The following KLF15 variants were observed in gnomAD, a reference collection of about 807,000 sequenced individuals.
The protein encoded by KLF15 is Krueppel-like factor 15.
KLF15 carries 4 observed loss-of-function variants against 24.6 expected under a neutral mutation model. The observed-to-expected ratio is 0.16, with a 90% CI of 0.08 to 0.37. The LOEUF is 0.37. Among genes scored for constraint, KLF15 ranks in the 10% least tolerant of loss-of-function variants. The pLI, the probability that KLF15 is intolerant of heterozygous loss-of-function variation, is 1.00. For missense variants in KLF15, 496 were observed against 560.6 expected (o/e 0.88, Z 1.16); for synonymous variants, 246 against 236.3 (o/e 1.04, Z -0.37).
the KLF15 span, among the ~76,000 whole-genome samples, chr3:126,311,773 G>A: frequency 0.041 from 6,286 of 152,256 alleles, 434 homozygotes; most frequent in African/African-American, 0.14. Flanking sequence ...CCCCTGAGCC[G>A]TCCTCTGCCC....
the KLF15 span, among the ~76,000 whole-genome samples, chr3:126,303,878 A>G: frequency 6.6e-6 from 1 of 151,958 alleles, no homozygotes; most frequent in South Asian, 2.1e-4. Context: ...AATTTCATTC[A>G]TCTCTTTTTC....
the KLF15 span, among the ~76,000 whole-genome samples, chr3:126,321,507 A>C: frequency 6.6e-6 from 1 of 152,234 alleles, no homozygotes; most frequent in South Asian, 2.1e-4. Context: ...TAGGGACCAC[A>C]CATGCATGCA....
At chr3:126,310,536 G>A in the KLF15 span, among the ~76,000 whole-genome samples, 5 of 152,170 alleles carry the variant, frequency 3.3e-5, no homozygotes, top group East Asian at 1.9e-4. Context: ...ATCAGAGAAG[G>A]GGGGGTGGGT....
the KLF15 span, among the ~76,000 whole-genome samples, chr3:126,309,884 C>A: frequency 2.0e-5 from 3 of 152,216 alleles, no homozygotes; most frequent in Non-Finnish European, 4.4e-5. Flanking sequence ...TGCTCAATGG[C>A]CAAGGCAGGA....
At chr3:126,331,173 C>G in the KLF15 span, among the ~76,000 whole-genome samples, 1 of 152,154 alleles carries the variant, frequency 6.6e-6, no homozygotes, top group Non-Finnish European at 1.5e-5. Context: ...CATCATGAGC[C>G]CCTCTTCTGG....
At chr3:126,315,864 C>T in the KLF15 span, among the ~76,000 whole-genome samples, 2 of 152,268 alleles carry the variant, frequency 1.3e-5, no homozygotes, top group African/African-American at 4.8e-5. Context: ...GAAAATGCTA[C>T]GGTTCTGGGA....
chr3:126,301,618 T>C, the KLF15 span, among the ~76,000 whole-genome samples: 4 of 149,424 alleles, frequency 2.7e-5, no homozygotes, highest in African/African-American at 9.8e-5. Flanking sequence ...TTCTTTTTTT[T>C]TTTTTTTTTT....
At chr3:126,299,316 G>A in the KLF15 span, among the ~76,000 whole-genome samples, 4 of 152,096 alleles carry the variant, frequency 2.6e-5, no homozygotes, top group African/African-American at 4.8e-5. Context: ...TGTTGTTGGC[G>A]TATAGCAGTG....
chr3:126,340,087 C>T (rs1163952837), downstream of KLF15, among the ~76,000 whole-genome samples: 1 of 152,212 alleles, frequency 6.6e-6, no homozygotes, highest in Admixed American at 6.5e-5. Flanking sequence ...AGCCATGCTG[C>T]CAGCTCGTGG....
At chr3:126,335,582 G>C in the KLF15 span, among the ~76,000 whole-genome samples, 1 of 147,694 alleles carries the variant, frequency 6.8e-6, no homozygotes, top group Admixed American at 6.8e-5. Flanking sequence ...AGGGCAATGA[G>C]GCAGGAGAAG....
chr3:126,326,438 G>A, the KLF15 span, among the ~76,000 whole-genome samples: 1 of 152,196 alleles, frequency 6.6e-6, no homozygotes, highest in Non-Finnish European at 1.5e-5. Flanking sequence ...ATTTATAACA[G>A]CAAATGTTTG....
At chr3:126,316,148 C>T in the KLF15 span, among the ~76,000 whole-genome samples, 2 of 152,022 alleles carry the variant, frequency 1.3e-5, no homozygotes, top group African/African-American at 2.4e-5. Flanking sequence ...ATTTACTATC[C>T]GGCCCTTCAC....
In KLF15 at chr3:126,343,907, G is replaced by A; in HGVS notation, c.1083-12C>T. The A allele has an allele frequency of 6.4e-7, 1 of 1,569,468 alleles. No homozygotes were observed. The highest frequency in any genetic ancestry group is 8.6e-7 in the Non-Finnish European group (1 of 1,159,366). ...CAGAGCGCGAGAACCTGCGGGACAT[G>A]GCGCGGTCAGCGAGGCCTGGCCCTG... On this transcript the variant is annotated splice_polypyrimidine_tract_variant and intron_variant, in intron 2 of 2. Coordinates refer to ENST00000296233, the MANE Select transcript of KLF15 (RefSeq NM_014079.4).
downstream of KLF15, among the ~76,000 whole-genome samples, chr3:126,338,967 G>C (rs922432938): frequency 2.0e-5 from 3 of 152,214 alleles, no homozygotes; most frequent in African/African-American, 7.2e-5. Context: ...TGGGTTCTGA[G>C]AACAGCCTGG....
the KLF15 span, among the ~76,000 whole-genome samples, chr3:126,292,492 A>C: frequency 2.6e-5 from 4 of 152,360 alleles, no homozygotes; most frequent in East Asian, 7.7e-4. Flanking sequence ...TCTATTGAAC[A>C]TCTACTGTGT....
the KLF15 span, among the ~76,000 whole-genome samples, chr3:126,316,367 T>G: frequency 1.6e-5 from 2 of 122,128 alleles, no homozygotes; most frequent in South Asian, 2.7e-4. Flanking sequence ...CAGGCCGGAG[T>G]GGAGAAGGGA....
the KLF15 span, among the ~76,000 whole-genome samples, chr3:126,330,215 C>T: frequency 3.9e-5 from 6 of 152,212 alleles, no homozygotes; most frequent in Admixed American, 3.9e-4. Context: ...CCTCGTTCCC[C>T]ACAGACACAG....
At chr3:126,344,325 G>A (rs1168232345) in intron 2 of KLF15, among the ~76,000 whole-genome samples, 1 of 152,090 alleles carries the variant, frequency 6.6e-6, no homozygotes, top group Non-Finnish European at 1.5e-5. Context: ...TTCCCAAAGT[G>A]CTGGGATTAA....
At chr3:126,300,215 A>G in the KLF15 span, among the ~76,000 whole-genome samples, 127 of 152,142 alleles carry the variant, frequency 8.3e-4, 1 homozygote, top group African/African-American at 3.0e-3. Flanking sequence ...TTCAGGAGTA[A>G]TTGCTGTGGT....
Sources: gnomAD v4.1 joint callset for allele counts (sites outside exome capture counted in the v4.1 genomes callset) on GRCh38, gnomAD v4.1.1 for gene constraint, MANE v1.5 for transcripts, NCBI Gene and HGNC (gene_info 2026-07-23, HGNC 2026-07-21) for gene names.